Variants in DYNC2H1 observed in about 807,000 individuals in gnomAD.
The protein encoded by DYNC2H1 is cytoplasmic dynein 2 heavy chain 1.
Under a neutral mutation model 570.0 loss-of-function variants are expected in DYNC2H1, and 410 were observed. The observed-to-expected ratio is 0.72, with a 90% CI of 0.66 to 0.78. The LOEUF (loss-of-function observed/expected upper bound fraction) is 0.78, where lower values mean the gene tolerates loss of function less well. Among genes scored for constraint, DYNC2H1 ranks in the 30% least tolerant of loss-of-function variants. The pLI, the probability that DYNC2H1 is intolerant of heterozygous loss-of-function variation, is 0.00. For synonymous variants in DYNC2H1, 1,688 were observed against 1,677.6 expected (o/e 1.01, Z -0.15); for missense variants, 4,865 against 5,046.4 (o/e 0.96, Z 1.09).
chr11:103,351,144 G>A (rs1394763992), intron 82 of DYNC2H1, among the ~76,000 whole-genome samples: 1 of 152,080 alleles, frequency 6.6e-6, no homozygotes, highest in Admixed American at 6.6e-5. Context: ...ATGTAAGGTT[G>A]CCTTTATTTG....
At chr11:103,432,172 T>C (rs940201170) in intron 84 of DYNC2H1, among the ~76,000 whole-genome samples, 2 of 152,120 alleles carry the variant, frequency 1.3e-5, no homozygotes, top group South Asian at 2.1e-4. Context: ...CTTTTGATTG[T>C]ATATCACAAT....
At chr11:103,442,750 T>C (rs1944309847) in intron 85 of DYNC2H1, among the ~76,000 whole-genome samples, 1 of 152,130 alleles carries the variant, frequency 6.6e-6, no homozygotes, top group African/African-American at 2.4e-5. Context: ...ATCACATGCA[T>C]ACCAATTTTA....
intron 83 of DYNC2H1, among the ~76,000 whole-genome samples, chr11:103,364,148 G>A (rs1316584950): frequency 6.6e-6 from 1 of 152,110 alleles, no homozygotes; most frequent in Non-Finnish European, 1.5e-5. Flanking sequence ...AACAATATGT[G>A]TAAAGAATCT....
chr11:103,426,512 T>G (rs1943678196), intron 84 of DYNC2H1, among the ~76,000 whole-genome samples: 1 of 152,202 alleles, frequency 6.6e-6, no homozygotes, highest in African/African-American at 2.4e-5. Context: ...TGTCAATAAT[T>G]TTTAGTTATA....
chr11:103,202,293 G>GTT (rs1318165052), intron 50 of DYNC2H1, among the ~76,000 whole-genome samples: 8 of 47,156 alleles, frequency 1.7e-4, no homozygotes, highest in South Asian at 5.6e-4. Flanking sequence ...CAGAAACACA[G>GTT]ATTTTTTTTT....
At chr11:103,247,577 T>C (rs896890199) in intron 65 of DYNC2H1, among the ~76,000 whole-genome samples, 1 of 152,082 alleles carries the variant, frequency 6.6e-6, no homozygotes, top group Non-Finnish European at 1.5e-5. Context: ...GGAGGGCCAC[T>C]ATGCTAGAGA....
chr11:103,120,388 C>A lies in DYNC2H1; in HGVS notation c.1000-59C>A, dbSNP rs1410240245. 7 of 1,405,124 alleles carry A rather than the reference C, an allele frequency of 5.0e-6. No individual in the cohort carries two copies. In the South Asian group the frequency reaches 6.8e-5, roughly 14 times the overall value. 87.0% of individuals were successfully genotyped at this position (1,405,124 alleles called of 1,614,324 possible). ...TTGCCCAATATATCTAGATTTTAGA[C>A]CTATTTATGCAAATGGTTGGATTTA... is the stretch of plus-strand genomic sequence containing the variant. On this transcript the variant is annotated intron_variant, in intron 6 of 88. Transcript: ENST00000375735.
chr11:103,422,638 A>G (rs1943527756), intron 84 of DYNC2H1, among the ~76,000 whole-genome samples: 1 of 152,220 alleles, frequency 6.6e-6, no homozygotes, highest in Admixed American at 6.5e-5. Context: ...AAAATTCAGC[A>G]TCCTATTATG....
Position 103,369,366 on chromosome 11 carries a change from C to T in DYNC2H1, c.12156+11007C>T, listed in dbSNP as rs897760958. Among the ~76,000 whole-genome samples the T allele has an allele frequency of 6.6e-6, 1 of 152,188 alleles. No homozygotes were observed. The highest frequency in any genetic ancestry group is 6.5e-5 in the Admixed American group (1 of 15,272). On this transcript the variant is annotated intron_variant, in intron 83 of 88. Coordinates refer to ENST00000375735, the MANE Select transcript of DYNC2H1 (RefSeq NM_001377.3). This position sits in a 1 kb window ranked among gnomAD's most constrained non-coding sequence, Gnocchi z 4.0. The stretch of plus-strand genomic sequence containing the variant: ...GAAGTACTCTGGGGCTCTAAATAAT[C>T]TTGAAAAGCAGTCCAGGCCACAAGG...
rs1338382626 is a variant in DYNC2H1, at chr11:103,268,965, G to T, written c.10695+8988G>T. On this transcript the variant is annotated intron_variant, in intron 70 of 88. Coordinates refer to ENST00000375735, the MANE Select transcript of DYNC2H1 (RefSeq NM_001377.3). The surrounding 1 kb of genome is among the most constrained non-coding windows in gnomAD (Gnocchi z 4.6). ...GATAAAATGATTTAATATATTAGTG[G>T]ACTATAGTGACTGCAGTGGGATTAT... Among the ~76,000 whole-genome samples the T allele has an allele frequency of 6.6e-6, 1 of 151,896 alleles. No individual in the cohort carries two copies. The highest frequency in any genetic ancestry group is 1.5e-5 in the Non-Finnish European group (1 of 67,924).
At position 103,411,591 on chromosome 11, in the gene DYNC2H1, T is replaced by C. The variant is rs1056956425; in HGVS notation, c.12366+11719T>C. 2.0e-5 allele frequency among the ~76,000 whole-genome samples: 3 copies of C among 152,072 alleles called. No homozygotes were observed. The East Asian group carries it at 5.8e-4, about 29-fold the overall frequency. On this transcript the variant is annotated intron_variant, in intron 84 of 88. Transcript: ENST00000375735. ...ATCATTTTCTATGATTATAATATAA[T>C]GTGGCTTAGATTATGTTGAAAGATA...
chr11:103,335,567 A>T (rs2135471655), intron 82 of DYNC2H1, among the ~76,000 whole-genome samples: 1 of 152,206 alleles, frequency 6.6e-6, no homozygotes, highest in South Asian at 2.1e-4. Flanking sequence ...GAATCTCTTT[A>T]AGTCTAAGTA....
At chr11:103,328,599 C>G (rs1276309703) in intron 82 of DYNC2H1, among the ~76,000 whole-genome samples, 1 of 152,090 alleles carries the variant, frequency 6.6e-6, no homozygotes, top group Admixed American at 6.5e-5. Flanking sequence ...CAGGCTAATG[C>G]CAAAGTTGTA....
intron 54 of DYNC2H1, among the ~76,000 whole-genome samples, chr11:103,212,370 C>T (rs1179437643): frequency 1.3e-5 from 2 of 151,790 alleles, no homozygotes; most frequent in South Asian, 2.1e-4. Context: ...GATGGGTGCA[C>T]CAGTATCTCA....
intron 28 of DYNC2H1, among the ~76,000 whole-genome samples, chr11:103,160,473 T>C (rs1322535854): frequency 6.6e-6 from 1 of 152,068 alleles, no homozygotes; most frequent in Non-Finnish European, 1.5e-5. Flanking sequence ...AAATATATGT[T>C]TAACTTTTTT....
At chr11:103,448,905 A>G (rs1029383599) in intron 85 of DYNC2H1, among the ~76,000 whole-genome samples, 2 of 146,160 alleles carry the variant, frequency 1.4e-5, no homozygotes, top group Non-Finnish European at 3.0e-5. Context: ...ATTGATTTAA[A>G]TTGATCAAAG....
rs1293764694 is a variant in DYNC2H1 at position 103,319,724 on chromosome 11, TTC to T, written c.11726-1303_11726-1302del. ...AAATATTTCACATAATGGCTGCTGTTTCTGTTTTATAAGTTGAAAGATACACT... is the reference window on the plus strand; with the variant it reads ...AAATATTTCACATAATGGCTGCTGTTTGTTTTATAAGTTGAAAGATACACT... On this transcript the variant is annotated intron_variant, in intron 80 of 88. Coordinates refer to ENST00000375735, the MANE Select transcript of DYNC2H1 (RefSeq NM_001377.3). The surrounding 1 kb of genome is among the most constrained non-coding windows in gnomAD (Gnocchi z 4.3). Among the ~76,000 whole-genome samples, 9 of 152,288 alleles carry T rather than the reference TTC, an allele frequency of 5.9e-5. No homozygotes were observed. The highest frequency in any genetic ancestry group is 2.0e-4 in the Admixed American group (3 of 15,302).
chr11:103,199,106 T>A lies in DYNC2H1; in HGVS notation c.7840-122T>A. ...AAAATATTGAGTGTGAGATGATATG[T>A]AGTCACTTTACTTTTTTTCTTGAAT... is the stretch of plus-strand genomic sequence containing the variant. On this transcript the variant is annotated intron_variant, in intron 48 of 88. Coordinates refer to ENST00000375735, the MANE Select transcript of DYNC2H1 (RefSeq NM_001377.3). The surrounding 1 kb of genome is among the most constrained non-coding windows in gnomAD (Gnocchi z 4.6). 3.3e-6 allele frequency: 2 copies of A among 611,266 alleles called. No homozygotes were observed. Among genetic ancestry groups the A allele is most frequent in the Admixed American group, 3.3e-5 (1 of 30,168 alleles). The allele number at this position is 611,266 out of a possible 1,614,324, so 37.9% of individuals were successfully genotyped here.
At chr11:103,236,674 A>C in intron 63 of DYNC2H1, 135 bp downstream of exon 63, 1 of 479,408 alleles carries the variant, frequency 2.1e-6, no homozygotes, top group Admixed American at 3.8e-5. Flanking sequence ...GCTAATGAAA[A>C]CCCATCAATG....
Sources: gnomAD v4.1 joint callset for allele counts (sites outside exome capture counted in the v4.1 genomes callset) on GRCh38, gnomAD v4.1.1 for gene constraint, Gnocchi (gnomAD v3.1) non-coding constraint, MANE v1.5 for transcripts, NCBI Gene and HGNC (gene_info 2026-07-23, HGNC 2026-07-21) for gene names.